The following CERS5 variants were observed in gnomAD, a reference collection of about 807,000 sequenced individuals.
CERS5 encodes the protein LAG1 homolog, ceramide synthase 5.
CERS5 carries 37 observed loss-of-function variants against 58.9 expected under a neutral mutation model. That is an observed-to-expected ratio of 0.63 (90% CI 0.48 to 0.83). The LOEUF is 0.83. Ranked by LOEUF, CERS5 falls within the 40% of genes least tolerant of loss-of-function variation. The pLI is 0.00. For missense variants in CERS5, 398 were observed against 489.3 expected, an observed-to-expected ratio of 0.81 and a Z score of 1.76; for synonymous variants, 147 against 177.8, an observed-to-expected ratio of 0.83 and a Z score of 1.38.
At chr12:50,138,420 AC>A in intron 5 of CERS5, 146 bp downstream of exon 5, 1 of 683,696 alleles carries the variant, frequency 1.5e-6, no homozygotes, top group Non-Finnish European at 2.6e-6. Flanking sequence ...AAAAATAGAT[AC>A]CCTGAATATG....
chr12:50,147,730 T>C (rs1277632832), intron 1 of CERS5, among the ~76,000 whole-genome samples: 1 of 152,158 alleles, frequency 6.6e-6, no homozygotes, highest in Non-Finnish European at 1.5e-5. Flanking sequence ...CTTCTCACAG[T>C]TTTTTGTTTT....
In CERS5 at chr12:50,159,245, C is replaced by T. The variant is rs1039516351; in HGVS notation, c.197+7856G>A. Among the ~76,000 whole-genome samples, 7 of 152,016 alleles carry T rather than the reference C, an allele frequency of 4.6e-5. No individual in the cohort carries two copies. The East Asian group carries it at 1.2e-3, about 25-fold the overall frequency. The stretch of plus-strand genomic sequence containing the variant: ...CTGAGGCAGGAGAATGGTGTGAACC[C>T]GGGAGGCAGAGCTTGCAGTGAGCCG... On this transcript the variant is annotated intron_variant, in intron 1 of 9. Transcript: ENST00000317551.
In CERS5 at chr12:50,167,329, A is replaced by T. The variant is rs768683916; in HGVS notation, c.-32T>A. The T allele has an allele frequency of 4.8e-5, 70 of 1,467,882 alleles. 1 individual carries two copies. Among genetic ancestry groups the T allele is most frequent in the Admixed American group, 3.9e-4 (15 of 38,504 alleles). The allele number at this position is 1,467,882 out of a possible 1,614,324, so 90.9% of individuals were successfully genotyped here. A position where few individuals can be genotyped will look rare whatever the true frequency, so the allele number is the denominator to read the frequency against. ...CCCACCCCGAAGCCACCGCCGCCAC[A>T]AGCGTCAGCTGCCGCCACAGCCAAC... On this transcript the variant is annotated 5_prime_UTR_variant, in exon 1 of 10. Coordinates refer to ENST00000317551, the MANE Select transcript of CERS5 (RefSeq NM_147190.5).
intron 1 of CERS5, chr12:50,165,690 C>T (rs1209016322): frequency 4.7e-6 from 1 of 213,596 alleles, no homozygotes; most frequent in East Asian, 1.6e-4. Context: ...CAAACAGATG[C>T]TATCTTTCAG....
chr12:50,141,766 C>A (rs1951979876), intron 4 of CERS5, among the ~76,000 whole-genome samples: 2 of 151,778 alleles, frequency 1.3e-5, no homozygotes, highest in Non-Finnish European at 2.9e-5. Context: ...TGGTGAAACC[C>A]CGTCTCTACT....
chr12:50,148,682 A>T (rs28848512), intron 1 of CERS5: 249 of 209,578 alleles, frequency 1.2e-3, no homozygotes, highest in African/African-American at 5.4e-3. Flanking sequence ...TGATCACTTG[A>T]GGTCAGGAGT....
intron 1 of CERS5, among the ~76,000 whole-genome samples, chr12:50,153,617 A>G (rs1195619873): frequency 2.6e-5 from 4 of 152,120 alleles, no homozygotes; most frequent in African/African-American, 9.7e-5. Context: ...GCATAACTGA[A>G]TGAACCAGTA....
chr12:50,154,928 G>A (rs1191419798), intron 1 of CERS5, among the ~76,000 whole-genome samples: 1 of 152,064 alleles, frequency 6.6e-6, no homozygotes, highest in East Asian at 1.9e-4. Flanking sequence ...GCGCTATCTT[G>A]GCTCACTGCA....
chr12:50,136,734 G>A (rs530798382), intron 6 of CERS5, among the ~76,000 whole-genome samples: 2 of 152,240 alleles, frequency 1.3e-5, no homozygotes, highest in East Asian at 1.9e-4. Flanking sequence ...TGAGAGAAAC[G>A]TCAACCACAA....
At chr12:50,152,111 A>G (rs1938033071) in intron 1 of CERS5, among the ~76,000 whole-genome samples, 1 of 152,056 alleles carries the variant, frequency 6.6e-6, no homozygotes, top group African/African-American at 2.4e-5. Context: ...TCATTCAGTT[A>G]TGGTAGAGGG....
chr12:50,149,123 C>T (rs1937654960), intron 1 of CERS5, among the ~76,000 whole-genome samples: 2 of 151,366 alleles, frequency 1.3e-5, no homozygotes. Context: ...TAAAGGAGTC[C>T]TGAGATCATA....
At chr12:50,132,819 C>G (rs373366539) in intron 9 of CERS5, 5 of 1,064,682 alleles carry the variant, frequency 4.7e-6, no homozygotes, top group Non-Finnish European at 6.0e-6. Context: ...AACTGCAGCT[C>G]TAGTCAATAA....
chr12:50,140,376 A>C (rs10876001), intron 4 of CERS5, among the ~76,000 whole-genome samples: 49,028 of 146,942 alleles, frequency 0.33, 8,933 homozygotes, highest in East Asian at 0.75. Context: ...CTCTGCCTCC[A>C]AGGTTCAAGC....
chr12:50,142,806 C>T (rs993340831), intron 3 of CERS5, among the ~76,000 whole-genome samples: 1 of 152,140 alleles, frequency 6.6e-6, no homozygotes, highest in Non-Finnish European at 1.5e-5. Flanking sequence ...CATCTACTTA[C>T]ATAAGTACAG....
Position 50,167,232 on chromosome 12 carries a change from C to G in CERS5, c.66G>C (p.Trp22Cys). 6.2e-7 allele frequency: 1 copy of G among 1,604,298 alleles called. No individual in the cohort carries two copies. Among genetic ancestry groups the G allele is most frequent in the Non-Finnish European group, 8.5e-7 (1 of 1,177,224 alleles). Reference sequence around the variant, plus strand: ...CAGCCCAGCTCACGTTCTCGGGTAGCCAGAAGCGCTCGCTCCACAGCCAGC... The same window carrying G: ...CAGCCCAGCTCACGTTCTCGGGTAGGCAGAAGCGCTCGCTCCACAGCCAGC... ...LWGWLWSERF[W>C]LPENVSWADL... is the part of the protein sequence containing the mutation. Residue 22 changes from tryptophan to cysteine, a missense_variant, in exon 1 of 10, where the codon TGG becomes TGC. By Grantham distance (215) the Trp-to-Cys change is radical (BLOSUM62 -2). This residue lies in a region of CERS5 where 328 missense variants were observed against 384.5 expected (regional missense o/e 0.85). Coordinates refer to ENST00000317551, the MANE Select transcript of CERS5 (RefSeq NM_147190.5).
At chr12:50,148,915 A>ATATATATATATATAT (rs1288478655) in intron 1 of CERS5, among the ~76,000 whole-genome samples, 1 of 57,668 alleles carries the variant, frequency 1.7e-5, no homozygotes, top group Non-Finnish European at 3.4e-5. Flanking sequence ...AAAAAAAAAA[A>ATATATATATATATAT]AAAAAAAAAA....
At chr12:50,140,126 A>AT (rs1315712300) in intron 4 of CERS5, among the ~76,000 whole-genome samples, 19 of 152,234 alleles carry the variant, frequency 1.2e-4, no homozygotes, top group African/African-American at 4.3e-4. Flanking sequence ...CTTTTGTAAT[A>AT]TAAACATTTA....
chr12:50,136,058 G>A lies in CERS5; in HGVS notation c.648C>T (p.Ile216=), dbSNP rs1279464361. 24 of 1,496,294 alleles carry A rather than the reference G, an allele frequency of 1.6e-5. No homozygotes were observed. Among genetic ancestry groups the A allele is most frequent in the Non-Finnish European group, 2.0e-5 (23 of 1,125,538 alleles). 92.7% of individuals were successfully genotyped at this position (1,496,294 alleles called of 1,614,324 possible). Residue 216 remains isoleucine, a synonymous_variant, in exon 7 of 10, where the codon ATC becomes ATT. Transcript: ENST00000317551. ...TGGTGACCAAGTGATGCACAAACAT[G>A]ATCAGGAAGTCCTAGGAAGGAATGG... The part of the protein sequence containing the change: ...FTDIKRKDFL[I]MFVHHLVTIG...
At chr12:50,159,729 G>A (rs1435379290) in intron 1 of CERS5, among the ~76,000 whole-genome samples, 1 of 151,964 alleles carries the variant, frequency 6.6e-6, no homozygotes, top group Non-Finnish European at 1.5e-5. Flanking sequence ...GAGTAGCTGG[G>A]ATTACAGGTG....
Sources: allele counts gnomAD v4.1 joint callset (sites outside exome capture counted in the v4.1 genomes callset), GRCh38; gene constraint gnomAD v4.1.1; regional missense constraint gnomAD v4.1.1; transcripts MANE v1.5; gene names NCBI Gene and HGNC (gene_info 2026-07-23, HGNC 2026-07-21).